TPCN2: variants seen among roughly 807,000 people sequenced by gnomAD.
TPCN2 encodes the protein two pore channel protein 2.
A neutral mutation model predicts 111.4 loss-of-function variants in TPCN2; 92 were observed. That is an observed-to-expected ratio of 0.83 (90% CI 0.70 to 0.98). The LOEUF (loss-of-function observed/expected upper bound fraction) is 0.98. Among genes scored for constraint, TPCN2 ranks in the 50% least tolerant of loss-of-function variants. The pLI is 0.00. For synonymous variants in TPCN2, 405 were observed against 414.5 expected, an observed-to-expected ratio of 0.98 and a Z score of 0.28; for missense variants, 995 against 980.1, an observed-to-expected ratio of 1.02 and a Z score of -0.20.
Position 69,072,024 on chromosome 11 carries a change from G to T in TPCN2, c.1061+1G>T. 6.2e-7 allele frequency: 1 copy of T among 1,611,862 alleles called. No individual in the cohort carries two copies. Among genetic ancestry groups the T allele is most frequent in the Non-Finnish European group, 8.5e-7 (1 of 1,178,486 alleles). On this transcript the variant is annotated splice_donor_variant, in intron 11 of 24. Coordinates refer to ENST00000294309, the MANE Select transcript of TPCN2 (RefSeq NM_139075.4). LOFTEE classifies it high-confidence loss of function. ...GGGAGGGAGGAGCCTTCCCTCAGGC[G>T]TGAGTGCTGGGCATGGACCCTCTTC...
chr11:69,057,667 CGTGTCCCTGAGTCTCGT>C lies in TPCN2; in HGVS notation c.525_541del (p.Leu176Ter). The C allele has an allele frequency of 6.2e-7, 1 of 1,614,160 alleles. No homozygotes were observed. Among genetic ancestry groups the C allele is most frequent in the Non-Finnish European group, 8.5e-7 (1 of 1,180,000 alleles). ...TGGTGGTGTCTCTGGTGGACTGGAC[CGTGTCCCTGAGTCTCGT>C]GTGTCATGAGGTAGGTGGTGAGGCA... On this transcript the variant is annotated frameshift_variant, in exon 5 of 25. Transcript: ENST00000294309. LOFTEE classifies it high-confidence loss of function.
chr11:69,048,984 G>T lies in TPCN2; in HGVS notation c.-14G>T, dbSNP rs1459526693. 2 of 1,232,310 alleles carry T rather than the reference G, an allele frequency of 1.6e-6. No homozygotes were observed. Among genetic ancestry groups the T allele is most frequent in the East Asian group, 6.3e-5 (2 of 31,654 alleles). 76.3% of individuals were successfully genotyped at this position (1,232,310 alleles called of 1,614,324 possible). ...TGAGCTTCTGAGGGTCGGGTCCAGC[G>T]CGTGGGCTGCTGGATGGCGGAACCC... is the stretch of plus-strand genomic sequence containing the variant. On this transcript the variant is annotated 5_prime_UTR_variant, in exon 1 of 25. Transcript: ENST00000294309.
chr11:69,067,657 G>A lies in TPCN2; in HGVS notation c.829+52G>A, dbSNP rs1855330704. The A allele has an allele frequency of 2.5e-6, 4 of 1,577,930 alleles. No individual in the cohort carries two copies. The Admixed American group carries it at 5.0e-5, about 20-fold the overall frequency. On this transcript the variant is annotated intron_variant, in intron 8 of 24. Coordinates refer to ENST00000294309, the MANE Select transcript of TPCN2 (RefSeq NM_139075.4). ...TGGGGGTCGGTGAGCCCAGCACTGG[G>A]GGGCCGGTTTGGGCTGCTGAGCCTT...
At chr11:69,057,287 C>T (rs1394247082) in intron 4 of TPCN2, among the ~76,000 whole-genome samples, 1 of 152,252 alleles carries the variant, frequency 6.6e-6, no homozygotes, top group Admixed American at 6.5e-5. Context: ...GTCTTCTCAG[C>T]CTGCACAAGG....
Position 69,055,261 on chromosome 11 carries a change from A to G in TPCN2, c.338A>G (p.Tyr113Cys), listed in dbSNP as rs1368969661. 8 of 1,614,014 alleles carry G rather than the reference A, an allele frequency of 5.0e-6. No homozygotes were observed. Among genetic ancestry groups the G allele is most frequent in the Non-Finnish European group, 6.8e-6 (8 of 1,180,004 alleles). The stretch of plus-strand genomic sequence containing the variant: ...CTCACCAGCACGGCGGACGTGCGCT[A>G]CCGCGCTGCTCCCTGGGAGCCGCCC... ...SSLTSTADVRYRAAPWEPPCG... is the reference protein window; with the variant it reads ...SSLTSTADVRCRAAPWEPPCG... The change falls in exon 4 of 25, where the codon TAC (tyrosine) becomes TGC (cysteine). Residue 113 changes from tyrosine to cysteine, a missense_variant. By Grantham distance (194) the Tyr-to-Cys change is radical. Coordinates refer to ENST00000294309, the MANE Select transcript of TPCN2 (RefSeq NM_139075.4).
Position 69,057,639 on chromosome 11 carries a change from T to G in TPCN2, c.491T>G (p.Val164Gly). The G allele has an allele frequency of 6.2e-7, 1 of 1,614,210 alleles. No homozygotes were observed. The highest frequency in any genetic ancestry group is 1.1e-5 in the South Asian group (1 of 91,082). The stretch of plus-strand genomic sequence containing the variant: ...CTTTGGCTGCTGGGCTACCTCGTGG[T>G]GCTGGTGGTGTCTCTGGTGGACTGG... ...KNLWLLGYLVVLVVSLVDWTV... is the reference protein window; with the variant it reads ...KNLWLLGYLVGLVVSLVDWTV... Residue 164 changes from valine to glycine, a missense_variant, in exon 5 of 25, where the codon GTG becomes GGG. Coordinates refer to ENST00000294309, the MANE Select transcript of TPCN2 (RefSeq NM_139075.4).
intron 13 of TPCN2, among the ~76,000 whole-genome samples, chr11:69,073,354 C>A (rs780473405): frequency 6.6e-6 from 1 of 152,254 alleles, no homozygotes; most frequent in Non-Finnish European, 1.5e-5. Flanking sequence ...TTGACACTTA[C>A]AAAGTTCCCA....
At chr11:69,056,538 T>A (rs1854776761) in intron 4 of TPCN2, among the ~76,000 whole-genome samples, 1 of 152,168 alleles carries the variant, frequency 6.6e-6, no homozygotes. Context: ...TATTTTATTT[T>A]ATTTATTTAT....
At chr11:69,050,152 C>T (rs1325043005) in intron 1 of TPCN2, among the ~76,000 whole-genome samples, 1 of 152,192 alleles carries the variant, frequency 6.6e-6, no homozygotes, top group Non-Finnish European at 1.5e-5. Flanking sequence ...AACCAGAGGC[C>T]AAGGTGGCCA....
rs554297295 is a variant in TPCN2, at chr11:69,082,802, C to T, written c.1690-1143C>T. ...GCAGATATCCATGTGAACTCGTGCC[C>T]GTGTAAGACGCATGATCGTGTGTGC... On this transcript the variant is annotated intron_variant, in intron 18 of 24. Transcript: ENST00000294309. Among the ~76,000 whole-genome samples the T allele has an allele frequency of 6.5e-5, 5 of 77,064 alleles. 1 individual carries two copies. In the South Asian group the frequency reaches 2.2e-3, roughly 33 times the overall value. The allele number at this position is 77,064 out of a possible 152,430, so 50.6% of individuals were successfully genotyped here.
chr11:69,084,638 C>G, intron 19 of TPCN2: 1 of 985,456 alleles, frequency 1.0e-6, no homozygotes, highest in Non-Finnish European at 1.2e-6. Flanking sequence ...CCCGGCCACA[C>G]TTCAGGCAGT....
intron 8 of TPCN2, among the ~76,000 whole-genome samples, chr11:69,068,316 C>T (rs1268557513): frequency 7.8e-5 from 11 of 140,338 alleles, no homozygotes; most frequent in South Asian, 2.3e-4. Flanking sequence ...GGAGCAGGGC[C>T]GTCTGAGTCC....
At chr11:69,066,994 T>A (rs1359393113) in intron 7 of TPCN2, among the ~76,000 whole-genome samples, 2 of 152,226 alleles carry the variant, frequency 1.3e-5, no homozygotes, top group Non-Finnish European at 2.9e-5. Context: ...TGGCTGTGAT[T>A]CGCCACAGCC....
In TPCN2 at chr11:69,078,529, G is replaced by C; in HGVS notation, c.1278G>C (p.Gln426His). The change falls in exon 14 of 25, where the codon CAG becomes CAC. Residue 426 changes from glutamine (Q) to histidine (H), a missense_variant. Transcript: ENST00000294309. ...AGTCTCCGTTTCTGCAGAGCGCCCA[G>C]TTCCTCTTCGGCCACTACTACTTTG... ...EYQSPFLQSAQFLFGHYYFDY... is the reference protein window; with the variant it reads ...EYQSPFLQSAHFLFGHYYFDY... 6.2e-7 allele frequency: 1 copy of C among 1,614,152 alleles called. No homozygotes were observed. The highest frequency in any genetic ancestry group is 8.5e-7 in the Non-Finnish European group (1 of 1,180,026).
At chr11:69,071,830 T>A (rs1004516373) in intron 10 of TPCN2, 93 bp from the exon 11 acceptor site, 3 of 1,196,170 alleles carry the variant, frequency 2.5e-6, no homozygotes, top group Middle Eastern at 2.0e-4. Context: ...CTGCCCAGAC[T>A]CCCCCTCTGC....
At position 69,082,796 on chromosome 11, in the gene TPCN2, C is replaced by G. The variant is rs7118492; in HGVS notation, c.1690-1149C>G. 1.2e-4 allele frequency among the ~76,000 whole-genome samples: 4 copies of G among 33,092 alleles called. 1 individual carries two copies. The highest frequency in any genetic ancestry group is 2.5e-4 in the African/African-American group (3 of 12,098). 21.7% of individuals were successfully genotyped at this position (33,092 alleles called of 152,430 possible). On this transcript the variant is annotated intron_variant, in intron 18 of 24. Transcript: ENST00000294309. ...TCGCGTGCAGATATCCATGTGAACTCGTGCCCGTGTAAGACGCATGATCGT... is the reference window on the plus strand; with the variant it reads ...TCGCGTGCAGATATCCATGTGAACTGGTGCCCGTGTAAGACGCATGATCGT...
At chr11:69,080,317 G>C (rs936552596) in intron 17 of TPCN2, among the ~76,000 whole-genome samples, 3 of 152,226 alleles carry the variant, frequency 2.0e-5, no homozygotes, top group African/African-American at 7.2e-5. Context: ...TTGAGTCATC[G>C]CCTCCCACTC....
intron 1 of TPCN2, among the ~76,000 whole-genome samples, chr11:69,051,760 G>T (rs985378364): frequency 6.6e-6 from 1 of 152,230 alleles, no homozygotes; most frequent in Admixed American, 6.5e-5. Flanking sequence ...GGAGTCCCTG[G>T]ACTCACAAAT....
chr11:69,072,925 C>T lies in TPCN2; in HGVS notation c.1154C>T (p.Ser385Phe), dbSNP rs749620025. 11 of 1,612,996 alleles carry T rather than the reference C, an allele frequency of 6.8e-6. No homozygotes were observed. In the South Asian group the frequency reaches 1.1e-4, roughly 16 times the overall value. The change falls in exon 13 of 25, where the codon TCC becomes TTC. Residue 385 changes from serine to phenylalanine, a missense_variant. Coordinates refer to ENST00000294309, the MANE Select transcript of TPCN2 (RefSeq NM_139075.4). ...HKQAMMEKVR[S>F]YGSVLLSAEE... ...CTCCTTCCTGTGCAGAAGGTGCGTTCCTATGGCAGTGTTCTGCTCTCAGCT... is the reference window on the plus strand; with the variant it reads ...CTCCTTCCTGTGCAGAAGGTGCGTTTCTATGGCAGTGTTCTGCTCTCAGCT...
Sources: allele counts gnomAD v4.1 joint callset (sites outside exome capture counted in the v4.1 genomes callset), GRCh38; gene constraint gnomAD v4.1.1; transcripts MANE v1.5; gene names NCBI Gene and HGNC (gene_info 2026-07-23, HGNC 2026-07-21).